Variants in UGT2A1 observed in about 807,000 individuals in gnomAD.
The protein encoded by UGT2A1 is UDP-glucuronosyltransferase 2A1.
UGT2A1 carries 61 observed loss-of-function variants against 45.4 expected under a neutral mutation model. The ratio of observed to expected loss-of-function variants is 1.34; its 90% CI spans 1.09 to 1.66. The LOEUF (loss-of-function observed/expected upper bound fraction) is 1.66, where lower values mean the gene tolerates loss of function less well. Among genes scored for constraint, UGT2A1 ranks in the 40% most tolerant of loss-of-function variants. UGT2A1 has a pLI of 0.00. For synonymous variants in UGT2A1, 229 were observed against 196.2 expected (o/e 1.17, Z -1.40); for missense variants, 649 against 574.3 (o/e 1.13, Z -1.33).
At chr4:69,594,814 C>G (rs1369053712) in intron 5 of UGT2A1, 118 bp from the exon 6 acceptor site, 10 of 1,271,930 alleles carry the variant, frequency 7.9e-6, no homozygotes, top group Non-Finnish European at 1.1e-5. Flanking sequence ...ACGTTTTCTA[C>G]AAAAGCAGAT....
At position 69,589,484 on chromosome 4, in the gene UGT2A1, A is replaced by T. The variant is rs746421171; in HGVS notation, c.1472T>A (p.Val491Glu). ...CACACAGACCAGCAAGAACCCAATT[A>T]CATCCAAAGAGTGGTACTGGAACCA... ...LTWFQYHSLD[V>E]IGFLLVCVTT... The change falls in exon 7 of 7, where the codon GTA (valine) becomes GAA (glutamate). Residue 491 changes from valine (V) to glutamate (E), a missense_variant. Coordinates refer to ENST00000286604, the MANE Select transcript of UGT2A1 (RefSeq NM_001252275.3). The T allele has an allele frequency of 5.0e-6, 8 of 1,614,148 alleles. No individual in the cohort carries two copies. The highest frequency in any genetic ancestry group is 6.8e-6 in the Non-Finnish European group (8 of 1,180,018).
rs150437976 is a variant in UGT2A1, at chr4:69,644,911, G to A, written c.715+2019C>T. On this transcript the variant is annotated intron_variant, in intron 2 of 6. Transcript: ENST00000286604. ...ATTGATACATATCAACTTTACAGTT[G>A]TTTTAGAACAGAGATCTGTAGAAAA... Among the ~76,000 whole-genome samples, 543 of 151,858 alleles carry A rather than the reference G, an allele frequency of 3.6e-3. 2 individuals are homozygous for A. The highest frequency in any genetic ancestry group is 0.013 in the African/African-American group (522 of 41,498).
intron 4 of UGT2A1, among the ~76,000 whole-genome samples, chr4:69,595,951 A>G (rs1698741154): frequency 6.6e-6 from 1 of 152,228 alleles, no homozygotes; most frequent in African/African-American, 2.4e-5. Flanking sequence ...TCAGTGGAGA[A>G]CAAAAAATTT....
rs1423354567 is a variant in UGT2A1, at chr4:69,649,203, G to A, written c.-54-1505C>T. Among the ~76,000 whole-genome samples, 8 of 152,048 alleles carry A rather than the reference G, an allele frequency of 5.3e-5. No individual in the cohort carries two copies. The East Asian group carries it at 7.7e-4, about 15-fold the overall frequency. ...GCTCTCCCATCACCAAAGATAATCTGTATGGAAACATCAACTGTTTCATTA... is the reference window on the plus strand; with the variant it reads ...GCTCTCCCATCACCAAAGATAATCTATATGGAAACATCAACTGTTTCATTA... On this transcript the variant is annotated intron_variant, in intron 1 of 6. Transcript: ENST00000286604.
intron 6 of UGT2A1, among the ~76,000 whole-genome samples, chr4:69,593,818 C>A (rs1170001132): frequency 1.3e-5 from 2 of 151,722 alleles, no homozygotes; most frequent in Non-Finnish European, 2.9e-5. Context: ...AGCGTATTAT[C>A]ATTTCAATTT....
At chr4:69,646,161 C>T (rs1402239488) in intron 2 of UGT2A1, among the ~76,000 whole-genome samples, 1 of 151,648 alleles carries the variant, frequency 6.6e-6, no homozygotes, top group African/African-American at 2.4e-5. Context: ...TTATTTTAGT[C>T]TTCCTATCTA....
rs1016963439 is a variant in UGT2A1 at position 69,589,140 on chromosome 4, G to C, written c.*232C>G. 1 of 406,560 alleles carries C rather than the reference G, an allele frequency of 2.5e-6. No homozygotes were observed. The highest frequency in any genetic ancestry group is 4.2e-5 in the Admixed American group (1 of 24,072). 25.2% of individuals were successfully genotyped at this position (406,560 alleles called of 1,614,324 possible). On this transcript the variant is annotated 3_prime_UTR_variant, in exon 7 of 7. Transcript: ENST00000286604. ...AGAAAAGTGACAGGAAGAGGGTATA[G>C]TCAGCAGGGAGAGACAAAGGAAAAA... is the stretch of plus-strand genomic sequence containing the variant.
chr4:69,639,164 G>C, intron 2 of UGT2A1: 1 of 1,613,628 alleles, frequency 6.2e-7, no homozygotes, highest in Admixed American at 1.7e-5. Context: ...TTGTTACTGG[G>C]TCTGCTACCA....
intron 2 of UGT2A1, among the ~76,000 whole-genome samples, chr4:69,644,503 A>G (rs1413471263): frequency 6.6e-6 from 1 of 151,708 alleles, no homozygotes; most frequent in Non-Finnish European, 1.5e-5. Flanking sequence ...TGAGGATATG[A>G]AGGAGATTTT....
rs776950354 is a variant in UGT2A1 at position 69,594,489 on chromosome 4, A to G, written c.1292T>C (p.Ile431Thr). 4.3e-6 allele frequency: 7 copies of G among 1,614,178 alleles called. No individual in the cohort carries two copies. In the South Asian group the frequency reaches 7.7e-5, roughly 18 times the overall value. Residue 431 changes from isoleucine to threonine, a missense_variant, in exon 6 of 7, where the codon ATT becomes ACT. By Grantham distance (89) the Ile-to-Thr change is moderately conservative. Coordinates refer to ENST00000286604, the MANE Select transcript of UGT2A1 (RefSeq NM_001252275.3). ...CCTTAGTACTTACGAAGGTTCATTA[A>G]TGACTGTTCTCAAAGCGCTAAGCAA... is the stretch of plus-strand genomic sequence containing the variant. ...VDLLSALRTV[I>T]NEPSYKENAM...
chr4:69,632,781 T>C (rs925870193), intron 3 of UGT2A1, among the ~76,000 whole-genome samples: 3 of 150,828 alleles, frequency 2.0e-5, no homozygotes, highest in Admixed American at 6.6e-5. Context: ...CCAGCTACTC[T>C]GGACGCAGAG....
chr4:69,629,806 A>G (rs1721286977), intron 3 of UGT2A1, among the ~76,000 whole-genome samples: 1 of 152,102 alleles, frequency 6.6e-6, no homozygotes, highest in African/African-American at 2.4e-5. Context: ...ATAATGAACC[A>G]TAACCATGAG....
intron 3 of UGT2A1, among the ~76,000 whole-genome samples, chr4:69,627,128 GAC>G (rs746936943): frequency 6.6e-6 from 1 of 151,718 alleles, no homozygotes; most frequent in Non-Finnish European, 1.5e-5. Flanking sequence ...TGCACATACT[GAC>G]ACACACATAA....
chr4:69,597,002 G>A lies in UGT2A1; in HGVS notation c.997-1753C>T, dbSNP rs533365213. Among the ~76,000 whole-genome samples the A allele has an allele frequency of 6.8e-4, 103 of 152,192 alleles. 1 individual carries two copies. Among genetic ancestry groups the A allele is most frequent in the African/African-American group, 2.2e-3 (92 of 41,502 alleles). ...AAGGCTTAATTTAACCAATCAACAG[G>A]GTTGTTTGCAAACTCATAAAAACAG... is the stretch of plus-strand genomic sequence containing the variant. On this transcript the variant is annotated intron_variant, in intron 4 of 6. Transcript: ENST00000286604.
At chr4:69,609,033 C>T (rs1430883648) in intron 3 of UGT2A1, among the ~76,000 whole-genome samples, 1 of 151,784 alleles carries the variant, frequency 6.6e-6, no homozygotes, top group Non-Finnish European at 1.5e-5. Flanking sequence ...TATTCACTTC[C>T]ATTAAATTTA....
chr4:69,648,611 C>T (rs1722386834), intron 1 of UGT2A1, among the ~76,000 whole-genome samples: 1 of 151,930 alleles, frequency 6.6e-6, no homozygotes, highest in Admixed American at 6.6e-5. Context: ...TTTATAATTA[C>T]TCCCACATCA....
Position 69,647,790 on chromosome 4 carries a change from C to A in UGT2A1, c.-54-92G>T, listed in dbSNP as rs978967968. On this transcript the variant is annotated intron_variant, in intron 1 of 6. Coordinates refer to ENST00000286604, the MANE Select transcript of UGT2A1 (RefSeq NM_001252275.3). ...AAAGCCTTCTTTCTAGAAAGTGATA[C>A]TAGTCATAGTAGCTCCATATTTTAG... 5 of 569,202 alleles carry A rather than the reference C, an allele frequency of 8.8e-6. No homozygotes were observed. The Admixed American group carries it at 1.4e-4, about 16-fold the overall frequency. 35.3% of individuals were successfully genotyped at this position (569,202 alleles called of 1,614,324 possible). A position where few individuals can be genotyped will look rare whatever the true frequency, so the allele number is the denominator to read the frequency against.
At chr4:69,594,405 G>T in intron 6 of UGT2A1, 72 bp downstream of exon 6, 3 of 1,547,848 alleles carry the variant, frequency 1.9e-6, no homozygotes, top group African/African-American at 1.4e-5. Context: ...AAGTATAAAA[G>T]AATGTACATT....
chr4:69,612,935 C>G (rs1393925302), intron 3 of UGT2A1, among the ~76,000 whole-genome samples: 1 of 143,070 alleles, frequency 7.0e-6, no homozygotes, highest in Non-Finnish European at 1.5e-5. Context: ...CCAGAGAGTA[C>G]AAAGACAACC....
Sources: allele counts gnomAD v4.1 joint callset (sites outside exome capture counted in the v4.1 genomes callset), GRCh38; gene constraint gnomAD v4.1.1; transcripts MANE v1.5; gene names NCBI Gene and HGNC (gene_info 2026-07-23, HGNC 2026-07-21).